Variants in XRN2 observed in about 807,000 individuals in gnomAD.
XRN2 encodes DHM1-like protein.
A neutral mutation model predicts 138.5 loss-of-function variants in XRN2; 44 were observed. The ratio of observed to expected loss-of-function variants is 0.32; its 90% CI spans 0.25 to 0.41. The LOEUF is 0.41. Ranked by LOEUF, XRN2 falls within the 10% of genes least tolerant of loss-of-function variation. XRN2 has a pLI of 1.00. For synonymous variants in XRN2, 354 were observed against 369.4 expected, an observed-to-expected ratio of 0.96 and a Z score of 0.48; for missense variants, 937 against 1,169.3, an observed-to-expected ratio of 0.80 and a Z score of 2.90.
At chr20:21,303,572 C>T in intron 1 of XRN2, 99 bp downstream of exon 1, 1 of 1,401,730 alleles carries the variant, frequency 7.1e-7, no homozygotes, top group Non-Finnish European at 9.2e-7. Context: ...GGGAGCCTTG[C>T]CGGAGCTCGC....
chr20:21,311,594 C>T (rs1355899852), intron 1 of XRN2, among the ~76,000 whole-genome samples: 3 of 152,168 alleles, frequency 2.0e-5, no homozygotes, highest in Non-Finnish European at 4.4e-5. Flanking sequence ...TGAGTGGAAT[C>T]ATTGGATCAT....
At chr20:21,316,483 T>C (rs2037960893) in intron 1 of XRN2, among the ~76,000 whole-genome samples, 1 of 152,212 alleles carries the variant, frequency 6.6e-6, no homozygotes, top group African/African-American at 2.4e-5. Context: ...TGTGAAGTAA[T>C]AGTCCAGCTT....
chr20:21,354,421 C>G (rs1373656054), intron 20 of XRN2, among the ~76,000 whole-genome samples: 2 of 152,132 alleles, frequency 1.3e-5, no homozygotes, highest in African/African-American at 4.8e-5. Context: ...CACACTCAAG[C>G]CCTAGGGAGA....
chr20:21,350,548 A>AG (rs1168413709), intron 20 of XRN2, among the ~76,000 whole-genome samples: 62 of 150,982 alleles, frequency 4.1e-4, no homozygotes, highest in Non-Finnish European at 8.1e-4. Flanking sequence ...AAAAAAAAAA[A>AG]AAAAAGAAAT....
chr20:21,356,557 T>A, intron 22 of XRN2, 29 bp from the exon 23 acceptor site: 1 of 1,599,244 alleles, frequency 6.3e-7, no homozygotes, highest in Non-Finnish European at 8.6e-7. Flanking sequence ...ATTCTTTGCA[T>A]ATGAGATCAG....
chr20:21,377,683 C>T (rs1265886956), intron 27 of XRN2, among the ~76,000 whole-genome samples: 3 of 151,888 alleles, frequency 2.0e-5, no homozygotes, highest in African/African-American at 7.3e-5. Context: ...AATCTTTCAT[C>T]CATTCATCCA....
rs952916092 is a variant in XRN2 at position 21,352,574 on chromosome 20, G to A, written c.1937-2215G>A. On this transcript the variant is annotated intron_variant, in intron 20 of 29. Transcript: ENST00000377191. ...TCGAACTCCTGACCTCAGGTGATCCGCCCACCTCAGCCTCCCAAAGTGCTG... is the reference window on the plus strand; with the variant it reads ...TCGAACTCCTGACCTCAGGTGATCCACCCACCTCAGCCTCCCAAAGTGCTG... Among the ~76,000 whole-genome samples the A allele has an allele frequency of 5.3e-5, 8 of 151,930 alleles. No homozygotes were observed. The East Asian group carries it at 1.2e-3, about 22-fold the overall frequency.
intron 1 of XRN2, among the ~76,000 whole-genome samples, chr20:21,313,294 G>A (rs564642084): frequency 6.6e-6 from 1 of 152,322 alleles, no homozygotes; most frequent in East Asian, 1.9e-4. Context: ...TCATCTCTGT[G>A]CAAGGGCTGA....
intron 1 of XRN2, among the ~76,000 whole-genome samples, chr20:21,324,259 T>G (rs1421731799): frequency 6.6e-6 from 1 of 152,160 alleles, no homozygotes; most frequent in Non-Finnish European, 1.5e-5. Context: ...TCTAGTAGCT[T>G]CTTCTCTGTT....
chr20:21,304,645 G>C (rs1283102294), intron 1 of XRN2, among the ~76,000 whole-genome samples: 2 of 151,968 alleles, frequency 1.3e-5, no homozygotes, highest in African/African-American at 4.8e-5. Flanking sequence ...TTGAATTCTA[G>C]CTGGAATAGG....
chr20:21,305,416 G>A (rs966273966), intron 1 of XRN2, among the ~76,000 whole-genome samples: 3 of 151,758 alleles, frequency 2.0e-5, no homozygotes, highest in Non-Finnish European at 4.4e-5. Flanking sequence ...GCGCCGCCAC[G>A]CCCAGCTGAT....
intron 22 of XRN2, 81 bp downstream of exon 22, chr20:21,356,258 T>A: frequency 9.2e-7 from 1 of 1,089,778 alleles, no homozygotes; most frequent in Non-Finnish European, 1.3e-6. Flanking sequence ...TTTACCATTA[T>A]AACCATTTTT....
intron 13 of XRN2, among the ~76,000 whole-genome samples, chr20:21,335,156 G>A (rs905120371): frequency 6.6e-6 from 1 of 152,184 alleles, no homozygotes; most frequent in Non-Finnish European, 1.5e-5. Flanking sequence ...CAGGCACTTC[G>A]TCCGTGGACA....
intron 24 of XRN2, among the ~76,000 whole-genome samples, chr20:21,360,866 ATAG>A (rs2038629882): frequency 6.6e-6 from 1 of 152,186 alleles, no homozygotes; most frequent in Admixed American, 6.5e-5. Flanking sequence ...ACCTCTTCTG[ATAG>A]AATGTCACAA....
At position 21,339,062 on chromosome 20, in the gene XRN2, CAGAA is replaced by C. The variant is rs1444206929; in HGVS notation, c.1258_1261del (p.Glu420LysfsTer5). On this transcript the variant is annotated frameshift_variant, in exon 14 of 30. Coordinates refer to ENST00000377191, the MANE Select transcript of XRN2 (RefSeq NM_012255.5). LOFTEE classifies it high-confidence loss of function. ...CTTTTAGGACAGTTTTAGAAGACGACAGAAAGAAAAAAGAAAGAGAATGAAGGTG... is the reference window on the plus strand; with the variant it reads ...CTTTTAGGACAGTTTTAGAAGACGACAGAAAAAAGAAAGAGAATGAAGGTG... 3.7e-6 allele frequency: 6 copies of C among 1,601,074 alleles called. No individual in the cohort carries two copies. Among genetic ancestry groups the C allele is most frequent in the African/African-American group, 1.4e-5 (1 of 73,968 alleles).
At chr20:21,343,083 G>C (rs2038392173) in intron 15 of XRN2, among the ~76,000 whole-genome samples, 1 of 151,868 alleles carries the variant, frequency 6.6e-6, no homozygotes, top group African/African-American at 2.4e-5. Context: ...TTTATGCTGT[G>C]GATACTCTAA....
chr20:21,365,342 A>G (rs1476281589), intron 24 of XRN2, 79 bp from the exon 25 acceptor site: 2 of 1,404,166 alleles, frequency 1.4e-6, no homozygotes, highest in Non-Finnish European at 2.0e-6. Context: ...GAGGACTTAA[A>G]CATGAAAAAT....
At chr20:21,348,579 T>A in intron 19 of XRN2, 149 bp downstream of exon 19, 4 of 736,740 alleles carry the variant, frequency 5.4e-6, no homozygotes, top group Non-Finnish European at 8.8e-6. Context: ...TATTTCCTGC[T>A]TTCTTTGGCC....
chr20:21,350,138 A>T (rs2038487130), intron 20 of XRN2, among the ~76,000 whole-genome samples: 1 of 152,170 alleles, frequency 6.6e-6, no homozygotes, highest in Non-Finnish European at 1.5e-5. Context: ...CCATTAACAG[A>T]TTTTGTAGGA....
Sources: gnomAD v4.1 joint callset for allele counts (sites outside exome capture counted in the v4.1 genomes callset) on GRCh38, gnomAD v4.1.1 for gene constraint, MANE v1.5 for transcripts, NCBI Gene and HGNC (gene_info 2026-07-23, HGNC 2026-07-21) for gene names.